The following DPYD variants were observed in gnomAD, a reference collection of about 807,000 sequenced individuals.
The protein encoded by DPYD is dihydropyrimidine dehydrogenase, also known as dihydropyrimidine dehydrogenase [NADP(+)].
In DPYD, 109 loss-of-function variants were observed where a neutral mutation model predicts 116.2. The observed-to-expected ratio is 0.94, with a 90% CI of 0.80 to 1.10. DPYD has a LOEUF of 1.10. DPYD is among the 50% of genes least tolerant of loss of function. The probability of loss-of-function intolerance (pLI) is 0.00; values close to 1 mark genes in which losing one functional copy is unlikely to be tolerated. For missense variants in DPYD, 1,302 were observed against 1,254.5 expected, an observed-to-expected ratio of 1.04 and a Z score of -0.57; for synonymous variants, 440 against 432.0, an observed-to-expected ratio of 1.02 and a Z score of -0.23.
intron 20 of DPYD, among the ~76,000 whole-genome samples, chr1:97,170,623 C>A (rs1656655291): frequency 6.6e-6 from 1 of 151,956 alleles, no homozygotes; most frequent in African/African-American, 2.4e-5. Flanking sequence ...TGAAGGTCTT[C>A]TCTTCTTCAT....
intron 19 of DPYD, among the ~76,000 whole-genome samples, chr1:97,232,319 T>G (rs543456212): frequency 1.3e-5 from 2 of 152,326 alleles, no homozygotes; most frequent in South Asian, 4.1e-4. Context: ...CTTGCTGTTA[T>G]CGAGGTTTTA....
At chr1:97,453,894 A>C (rs1044143729) in intron 13 of DPYD, among the ~76,000 whole-genome samples, 1 of 152,208 alleles carries the variant, frequency 6.6e-6, no homozygotes, top group African/African-American at 2.4e-5. Context: ...ATGATAGAGA[A>C]TGCTTATTCC....
At chr1:97,359,596 C>T (rs538984762) in intron 16 of DPYD, among the ~76,000 whole-genome samples, 2 of 152,300 alleles carry the variant, frequency 1.3e-5, no homozygotes, top group African/African-American at 4.8e-5. Context: ...GTCTATCAGA[C>T]TAACAGTGGA....
rs568602315 is a variant in DPYD, at chr1:97,465,135, A to G, written c.1741-14912T>C. ...AGATTTGACTGCCCTGCTGGATTTC[A>G]GACTTGCTTGGAGTCTGTAGTCCCT... On this transcript the variant is annotated intron_variant, in intron 13 of 22. Coordinates refer to ENST00000370192, the MANE Select transcript of DPYD (RefSeq NM_000110.4). Among the ~76,000 whole-genome samples the G allele has an allele frequency of 3.3e-5, 5 of 152,316 alleles. No homozygotes were observed. The East Asian group carries it at 7.7e-4, about 24-fold the overall frequency.
At chr1:97,613,253 G>A (rs777868566) in intron 8 of DPYD, among the ~76,000 whole-genome samples, 1 of 151,926 alleles carries the variant, frequency 6.6e-6, no homozygotes, top group Non-Finnish European at 1.5e-5. Context: ...ACAGTCAAAA[G>A]ATAATTTTGG....
chr1:97,160,652 C>T (rs1210084474), intron 20 of DPYD, among the ~76,000 whole-genome samples: 1 of 152,070 alleles, frequency 6.6e-6, no homozygotes, highest in Non-Finnish European at 1.5e-5. Context: ...CTCTTATTGT[C>T]ACATAGATTG....
intron 13 of DPYD, among the ~76,000 whole-genome samples, chr1:97,457,019 G>T (rs767211715): frequency 4.6e-5 from 7 of 152,058 alleles, no homozygotes; most frequent in Non-Finnish European, 8.8e-5. Flanking sequence ...ACACAACATG[G>T]CACGGTGTGT....
chr1:97,735,060 G>C (rs2101056636), intron 4 of DPYD, among the ~76,000 whole-genome samples: 1 of 152,186 alleles, frequency 6.6e-6, no homozygotes, highest in African/African-American at 2.4e-5. Flanking sequence ...ACACAATCTT[G>C]GTGACTCGAA....
At chr1:97,330,295 T>C (rs1346434505) in intron 16 of DPYD, among the ~76,000 whole-genome samples, 1 of 152,198 alleles carries the variant, frequency 6.6e-6, no homozygotes, top group Non-Finnish European at 1.5e-5. Flanking sequence ...CTTGTTGTGG[T>C]TCATTGTTAT....
At position 97,481,310 on chromosome 1, in the gene DPYD, G is replaced by A. The variant is rs567098137; in HGVS notation, c.1741-31087C>T. Among the ~76,000 whole-genome samples the A allele has an allele frequency of 3.9e-5, 6 of 152,230 alleles. No individual in the cohort carries two copies. In the South Asian group the frequency reaches 1.2e-3, roughly 32 times the overall value. On this transcript the variant is annotated intron_variant, in intron 13 of 22. Coordinates refer to ENST00000370192, the MANE Select transcript of DPYD (RefSeq NM_000110.4). ...TGATAACATCCAGTGCTAGAGATCG[G>A]AGGTAGAGGCAGGGAGGGATGCTAT...
At chr1:97,796,865 TTCCCTTGGTAACAGTATTATGC>T (rs1271835681) in intron 3 of DPYD, 1 of 152,156 alleles carries the variant, frequency 6.6e-6, no homozygotes, top group African/African-American at 2.4e-5. Context: ...CCATAAGCTG[TTCCCTTGGTAACAGTATTATGC>T]TACCATAGAG....
At chr1:97,527,606 C>T (rs1649245007) in intron 12 of DPYD, among the ~76,000 whole-genome samples, 1 of 151,512 alleles carries the variant, frequency 6.6e-6, no homozygotes, top group Non-Finnish European at 1.5e-5. Flanking sequence ...CTATAATAAC[C>T]CATTATTTTA....
At chr1:97,345,150 ATTGT>A (rs1357460893) in intron 16 of DPYD, among the ~76,000 whole-genome samples, 1 of 151,858 alleles carries the variant, frequency 6.6e-6, no homozygotes, top group Non-Finnish European at 1.5e-5. Flanking sequence ...AAAAATCTGA[ATTGT>A]TTGTCATTTT....
chr1:97,814,789 A>C (rs1668495542), intron 3 of DPYD, among the ~76,000 whole-genome samples: 1 of 151,840 alleles, frequency 6.6e-6, no homozygotes, highest in South Asian at 2.1e-4. Flanking sequence ...CTGTAGTCCC[A>C]GCTACTCAGT....
At chr1:97,773,220 C>A (rs1191285229) in intron 3 of DPYD, among the ~76,000 whole-genome samples, 1 of 152,146 alleles carries the variant, frequency 6.6e-6, no homozygotes, top group Non-Finnish European at 1.5e-5. Flanking sequence ...AATGACTGCA[C>A]AAATGAGACA....
chr1:97,892,187 T>C (rs11165923), intron 1 of DPYD, among the ~76,000 whole-genome samples: 2,312 of 151,948 alleles, frequency 0.015, 174 homozygotes, highest in Admixed American at 0.11. Flanking sequence ...CAATTTTTTA[T>C]CAATAAATAT....
intron 3 of DPYD, among the ~76,000 whole-genome samples, chr1:97,764,925 T>C (rs187951648): frequency 3.3e-5 from 5 of 152,294 alleles, no homozygotes; most frequent in African/African-American, 4.8e-5. Context: ...CAATGAGATG[T>C]TATAGTTTAA....
chr1:97,097,071 A>G (rs970139823), intron 21 of DPYD, among the ~76,000 whole-genome samples: 2 of 152,200 alleles, frequency 1.3e-5, no homozygotes, highest in Non-Finnish European at 2.9e-5. Flanking sequence ...TGGCCTTCGC[A>G]TTCCATTAGT....
chr1:97,907,271 T>C (rs879386222), intron 1 of DPYD, among the ~76,000 whole-genome samples: 5 of 152,070 alleles, frequency 3.3e-5, no homozygotes, highest in African/African-American at 9.7e-5. Flanking sequence ...ATTTTTAGTG[T>C]GGGTTTTAAA....
Sources: gnomAD v4.1 joint callset for allele counts (sites outside exome capture counted in the v4.1 genomes callset) on GRCh38, gnomAD v4.1.1 for gene constraint, MANE v1.5 for transcripts, NCBI Gene and HGNC (gene_info 2026-07-23, HGNC 2026-07-21) for gene names.